The following SYT14 variants were observed in gnomAD, a reference collection of about 807,000 sequenced individuals.
SYT14 encodes synaptotagmin 14.
In SYT14, 32 loss-of-function variants were observed where a neutral mutation model predicts 74.2. That is an observed-to-expected ratio of 0.43 (90% confidence interval 0.33 to 0.58). The LOEUF (loss-of-function observed/expected upper bound fraction) is 0.58. Ranked by LOEUF, SYT14 falls within the 20% of genes least tolerant of loss-of-function variation. The probability of loss-of-function intolerance (pLI) is 0.05; values close to 1 mark genes in which losing one functional copy is unlikely to be tolerated. For missense variants in SYT14, 791 were observed against 981.8 expected (o/e 0.81, Z 2.60); for synonymous variants, 298 against 337.7 (o/e 0.88, Z 1.29).
intron 5 of SYT14, among the ~76,000 whole-genome samples, chr1:210,068,811 A>G (rs1242070692): frequency 1.3e-5 from 2 of 151,502 alleles, no homozygotes; most frequent in East Asian, 1.9e-4. Flanking sequence ...ATTTTATTCT[A>G]TCTACTTTCA....
At chr1:210,124,105 T>C (rs897951056) in intron 7 of SYT14, among the ~76,000 whole-genome samples, 6 of 152,176 alleles carry the variant, frequency 3.9e-5, no homozygotes, top group African/African-American at 7.2e-5. Flanking sequence ...TTTGTTTTCA[T>C]ATTGTCTATG....
At chr1:210,074,852 A>T (rs533733673) in intron 5 of SYT14, among the ~76,000 whole-genome samples, 1 of 152,146 alleles carries the variant, frequency 6.6e-6, no homozygotes, top group Non-Finnish European at 1.5e-5. Context: ...CCCAGTGGGC[A>T]TGTGTTACAG....
chr1:209,992,858 G>T (rs1558116438), intron 2 of SYT14, among the ~76,000 whole-genome samples: 2 of 152,092 alleles, frequency 1.3e-5, no homozygotes, highest in African/African-American at 4.8e-5. Context: ...GAATGGAAAG[G>T]CGACACTGAA....
chr1:209,960,163 G>A (rs2079056441), intron 2 of SYT14, among the ~76,000 whole-genome samples: 2 of 152,034 alleles, frequency 1.3e-5, no homozygotes, highest in South Asian at 2.1e-4. Context: ...TAGTTTTATG[G>A]CACAGGACTC....
chr1:210,001,666 G>A (rs965532137), intron 2 of SYT14, among the ~76,000 whole-genome samples: 2 of 152,130 alleles, frequency 1.3e-5, no homozygotes, highest in East Asian at 3.8e-4. Flanking sequence ...CCAGGGAAAA[G>A]GTGAGGTATG....
At chr1:210,015,802 T>C in exon 4 of SYT14, 1 of 1,056,440 alleles carries the variant, frequency 9.5e-7, no homozygotes, top group Non-Finnish European at 1.2e-6. Context: ...ATTTTTTTTT[T>C]CCGGAAGAAT....
rs1322430014 is a variant in SYT14, at chr1:210,109,589, AAGAG to A, written c.2034+9132_2034+9135del. On this transcript the variant is annotated intron_variant, in intron 7 of 9. Coordinates refer to ENST00000637265, the Ensembl canonical transcript of SYT14. ...AAGACTCTGTCTCAAAAAAAAAAAA[AAGAG>A]AGAAAAAACAAAACAACAACAACAA... 6.2e-3 allele frequency among the ~76,000 whole-genome samples: 930 copies of A among 151,172 alleles called. 10 individuals carry two copies. Among genetic ancestry groups the A allele is most frequent in the African/African-American group, 0.021 (883 of 41,364 alleles).
chr1:209,949,641 C>T (rs917961215), intron 1 of SYT14, among the ~76,000 whole-genome samples: 1 of 148,702 alleles, frequency 6.7e-6, no homozygotes, highest in Non-Finnish European at 1.5e-5. Context: ...TTTAATATTT[C>T]TTCTTTTGTG....
chr1:210,008,569 G>A (rs2080030715), intron 2 of SYT14, among the ~76,000 whole-genome samples: 1 of 152,062 alleles, frequency 6.6e-6, no homozygotes, highest in Non-Finnish European at 1.5e-5. Flanking sequence ...TGCCATGTTA[G>A]CCAGGCTGGT....
At chr1:210,050,873 C>CATTCAAGATG in intron 5 of SYT14, among the ~76,000 whole-genome samples, 1 of 152,266 alleles carries the variant, frequency 6.6e-6, no homozygotes, top group East Asian at 1.9e-4. Context: ...TGGGAGTTAC[C>CATTCAAGATG]ATTCAAGATG....
chr1:210,152,605 T>G (rs1558225632), intron 7 of SYT14, among the ~76,000 whole-genome samples: 1 of 152,130 alleles, frequency 6.6e-6, no homozygotes. Context: ...AAAATGCAAG[T>G]GTGCAACCCA....
chr1:210,056,865 A>C lies in SYT14; in HGVS notation c.1312+35611A>C, dbSNP rs2081109035. 3.1e-5 allele frequency among the ~76,000 whole-genome samples: 3 copies of C among 95,376 alleles called. No individual in the cohort carries two copies. In the Admixed American group the frequency reaches 4.0e-4, roughly 13 times the overall value. The allele number at this position is 95,376 out of a possible 152,430, so 62.6% of individuals were successfully genotyped here. A position where few individuals can be genotyped will look rare whatever the true frequency, so the allele number is the denominator to read the frequency against. On this transcript the variant is annotated intron_variant, in intron 5 of 9. Transcript: ENST00000637265. ...ATTTATTTATTTATTTATTTTTGAG[A>C]CTCAGTCTTGCTCTGTCACCCAGGC...
chr1:210,142,908 G>A (rs1293553633), intron 7 of SYT14, among the ~76,000 whole-genome samples: 2 of 152,174 alleles, frequency 1.3e-5, no homozygotes, highest in Admixed American at 6.5e-5. Flanking sequence ...GTTAGCTCAC[G>A]TAATCTTATC....
chr1:210,003,729 G>C (rs1038596244), intron 2 of SYT14, among the ~76,000 whole-genome samples: 7 of 152,144 alleles, frequency 4.6e-5, no homozygotes, highest in Non-Finnish European at 1.0e-4. Flanking sequence ...TGCTGGCAAT[G>C]CTTCTTAACT....
intron 5 of SYT14, among the ~76,000 whole-genome samples, chr1:210,077,587 TA>T (rs1410924856): frequency 2.0e-5 from 3 of 152,252 alleles, no homozygotes; most frequent in African/African-American, 7.2e-5. Flanking sequence ...TACATGTTTT[TA>T]TCTCCTTTGA....
intron 5 of SYT14, among the ~76,000 whole-genome samples, chr1:210,053,195 A>C (rs1044581898): frequency 1.3e-5 from 2 of 152,182 alleles, no homozygotes; most frequent in African/African-American, 4.8e-5. Flanking sequence ...TTGGTTTTTT[A>C]TTACAGTGAA....
At chr1:210,121,683 A>G (rs1197500330) in intron 7 of SYT14, among the ~76,000 whole-genome samples, 2 of 151,672 alleles carry the variant, frequency 1.3e-5, no homozygotes, top group Non-Finnish European at 2.9e-5. Context: ...AGTCCCAGCT[A>G]CTCGGGAGGC....
intron 7 of SYT14, among the ~76,000 whole-genome samples, chr1:210,113,602 G>T (rs1209665325): frequency 6.6e-6 from 1 of 150,960 alleles, no homozygotes; most frequent in Non-Finnish European, 1.5e-5. Context: ...TAATGAGATG[G>T]TAAGGGGTGC....
chr1:210,041,672 G>A (rs542850600), intron 5 of SYT14, among the ~76,000 whole-genome samples: 21 of 152,174 alleles, frequency 1.4e-4, no homozygotes, highest in African/African-American at 4.8e-4. Context: ...AACAGTAGAA[G>A]AAATCATAAA....
Sources: gnomAD v4.1 joint callset for allele counts (sites outside exome capture counted in the v4.1 genomes callset) on GRCh38, gnomAD v4.1.1 for gene constraint, MANE v1.5 for transcripts, NCBI Gene and HGNC (gene_info 2026-07-23, HGNC 2026-07-21) for gene names.